KMT2C: variants seen among roughly 807,000 people sequenced by gnomAD.
KMT2C encodes the protein histone-lysine N-methyltransferase 2C.
In KMT2C, 88 loss-of-function variants were observed where a neutral mutation model predicts 507.9. The observed-to-expected ratio is 0.17, with a 90% CI of 0.15 to 0.21. The LOEUF is 0.21. Among genes scored for constraint, KMT2C ranks in the 10% least tolerant of loss-of-function variants. The pLI, the probability that KMT2C is intolerant of heterozygous loss-of-function variation, is 1.00. For missense variants in KMT2C, 4,954 were observed against 5,957.8 expected, an observed-to-expected ratio of 0.83 and a Z score of 5.55; for synonymous variants, 2,049 against 2,080.8, an observed-to-expected ratio of 0.98 and a Z score of 0.42.
intron 21 of KMT2C, among the ~76,000 whole-genome samples, chr7:152,222,277 C>G (rs10233319): frequency 0.14 from 21,711 of 152,108 alleles, 3,894 homozygotes; most frequent in African/African-American, 0.42. Flanking sequence ...GGCTAAGAAA[C>G]AATCAACATA....
At chr7:152,363,050 T>C (rs957035518) in intron 1 of KMT2C, among the ~76,000 whole-genome samples, 1 of 152,234 alleles carries the variant, frequency 6.6e-6, no homozygotes, top group Non-Finnish European at 1.5e-5. Context: ...TCAAACACTA[T>C]ATTCTGAATG....
chr7:152,306,917 G>A (rs112580705), intron 6 of KMT2C, among the ~76,000 whole-genome samples: 22 of 152,278 alleles, frequency 1.4e-4, no homozygotes, highest in Middle Eastern at 3.4e-3. Flanking sequence ...CCAGTACTTC[G>A]GGAGGATGAG....
chr7:152,152,563 A>T, intron 49 of KMT2C, 142 bp downstream of exon 49: 1 of 981,078 alleles, frequency 1.0e-6, no homozygotes, highest in Non-Finnish European at 1.5e-6. Context: ...AAAACAGAAC[A>T]CCCACACATG....
chr7:152,203,082 T>C lies in KMT2C; in HGVS notation c.3962-18A>G. On this transcript the variant is annotated intron_variant, in intron 25 of 58. Transcript: ENST00000262189. ...ACTCCAGCCTGAAACAACAGTCACA[T>C]TTATAAATATGTGACATTTAAAATT... 6 of 1,571,032 alleles carry C rather than the reference T, an allele frequency of 3.8e-6. No homozygotes were observed. The highest frequency in any genetic ancestry group is 5.2e-6 in the Non-Finnish European group (6 of 1,161,756).
Position 152,181,529 on chromosome 7 carries a change from G to A in KMT2C, c.6331C>T (p.His2111Tyr). Residue 2111 changes from histidine to tyrosine, a missense_variant, in exon 36 of 59, where the codon CAT becomes TAT. Around this residue, in one of 29 missense-constraint regions of KMT2C, gnomAD observed 1,689 missense variants for 1,654.3 expected, o/e 1.02. Transcript: ENST00000262189. ...GGCTGGGAAAAAGCCCTTGAAGGAT[G>A]GGCAAAAGATTCATTCACTGCTGGA... ...PHPAVNESFA[H>Y]PSRAFSQPGT... The A allele has an allele frequency of 1.2e-6, 2 of 1,613,994 alleles. No homozygotes were observed. Among genetic ancestry groups the A allele is most frequent in the East Asian group, 2.2e-5 (1 of 44,868 alleles).
intron 6 of KMT2C, among the ~76,000 whole-genome samples, chr7:152,309,366 G>T (rs908278379): frequency 4.0e-5 from 6 of 148,566 alleles, no homozygotes; most frequent in African/African-American, 1.5e-4. Flanking sequence ...GCCCAGGCTG[G>T]AGTATGGAGT....
At chr7:152,430,941 T>C (rs946954839) in intron 1 of KMT2C, among the ~76,000 whole-genome samples, 4 of 152,204 alleles carry the variant, frequency 2.6e-5, no homozygotes, top group African/African-American at 9.7e-5. Context: ...TTTACAGAGT[T>C]GGACAACCAC....
chr7:152,154,080 C>A lies in KMT2C; in HGVS notation c.12206G>T (p.Gly4069Val), dbSNP rs535432925. ...TGATCTGGGACCATTTGGGGAAGGA[C>A]CAAAAGGTGACGCAAAATATAAAGT... The part of the protein sequence containing the change: ...PGTLYFASPF[G>V]PSPNGPRSGL... Residue 4069 changes from glycine (G) to valine (V), a missense_variant, in exon 48 of 59, where the codon GGT becomes GTT. Gly to Val is a moderately radical substitution (Grantham distance 109). Transcript: ENST00000262189. 4.3e-6 allele frequency: 7 copies of A among 1,613,930 alleles called. No individual in the cohort carries two copies. In the East Asian group the frequency reaches 1.6e-4, roughly 36 times the overall value.
intron 26 of KMT2C, among the ~76,000 whole-genome samples, chr7:152,201,435 C>G (rs1020438464): frequency 1.3e-5 from 2 of 151,318 alleles, no homozygotes; most frequent in African/African-American, 4.9e-5. Flanking sequence ...GACTCTTTTG[C>G]CAAAGTATTA....
At chr7:152,238,242 C>A (rs1488430596) in intron 15 of KMT2C, among the ~76,000 whole-genome samples, 2 of 152,366 alleles carry the variant, frequency 1.3e-5, no homozygotes, top group East Asian at 3.9e-4. Flanking sequence ...ACTTAACTCA[C>A]TTCAAGGACT....
At chr7:152,410,307 G>A (rs945489988) in intron 1 of KMT2C, among the ~76,000 whole-genome samples, 2 of 152,404 alleles carry the variant, frequency 1.3e-5, no homozygotes, top group African/African-American at 4.8e-5. Context: ...AGCTACTCGG[G>A]AGGCTGAGGC....
intron 2 of KMT2C, among the ~76,000 whole-genome samples, chr7:152,352,033 A>C (rs2097115065): frequency 1.3e-5 from 2 of 151,842 alleles, no homozygotes; most frequent in African/African-American, 4.8e-5. Flanking sequence ...GAACAGAGCC[A>C]CATTTCTCTT....
At chr7:152,260,406 A>G (rs2095749241) in intron 9 of KMT2C, among the ~76,000 whole-genome samples, 1 of 152,168 alleles carries the variant, frequency 6.6e-6, no homozygotes, top group African/African-American at 2.4e-5. Flanking sequence ...GAAGATCAAG[A>G]GCAAGAACAA....
chr7:152,151,735 C>G (rs1425061787), intron 49 of KMT2C, among the ~76,000 whole-genome samples, 154 bp from the exon 50 acceptor site: 1 of 152,104 alleles, frequency 6.6e-6, no homozygotes, highest in Admixed American at 6.5e-5. Flanking sequence ...GCAATGGTTA[C>G]AGAGTCGATT....
At chr7:152,313,574 T>A (rs1462763266) in intron 4 of KMT2C, among the ~76,000 whole-genome samples, 1 of 152,140 alleles carries the variant, frequency 6.6e-6, no homozygotes, top group African/African-American at 2.4e-5. Context: ...TTGATTTTTT[T>A]ATTTAGTGAA....
At chr7:152,281,304 A>G (rs2096203561) in intron 6 of KMT2C, among the ~76,000 whole-genome samples, 1 of 152,196 alleles carries the variant, frequency 6.6e-6, no homozygotes, top group Non-Finnish European at 1.5e-5. Context: ...ATTTTAAAAT[A>G]GACAAGGATA....
chr7:152,365,170 C>T (rs2097231439), intron 1 of KMT2C, among the ~76,000 whole-genome samples: 1 of 152,022 alleles, frequency 6.6e-6, no homozygotes, highest in Admixed American at 6.6e-5. Flanking sequence ...AAGGAAAAAC[C>T]CTTCTAAACA....
chr7:152,265,373 C>A (rs554065936), intron 7 of KMT2C, among the ~76,000 whole-genome samples, 164 bp from the exon 8 acceptor site: 204 of 152,270 alleles, frequency 1.3e-3, no homozygotes, highest in African/African-American at 4.6e-3. Flanking sequence ...AATAAAAACA[C>A]TGTAGGGTAT....
chr7:152,185,535 G>A (rs749566811), intron 34 of KMT2C, 23 bp downstream of exon 34: 3 of 1,535,146 alleles, frequency 2.0e-6, no homozygotes, highest in Non-Finnish European at 2.7e-6. Flanking sequence ...ATATTTAAAA[G>A]ATAGAGGAGT....
Sources: allele counts gnomAD v4.1 joint callset (sites outside exome capture counted in the v4.1 genomes callset), GRCh38; gene constraint gnomAD v4.1.1; regional missense constraint gnomAD v4.1.1; transcripts MANE v1.5; gene names NCBI Gene and HGNC (gene_info 2026-07-23, HGNC 2026-07-21).